ELMO1: variants seen among roughly 807,000 people sequenced by gnomAD.
ELMO1 encodes the protein engulfment and cell motility 1.
A neutral mutation model predicts 98.9 loss-of-function variants in ELMO1; 26 were observed. That is an observed-to-expected ratio of 0.26 (90% CI 0.19 to 0.36). ELMO1 has a LOEUF of 0.36. ELMO1 is among the 10% of genes least tolerant of loss of function. ELMO1 has a pLI of 1.00. For synonymous variants in ELMO1, 346 were observed against 346.0 expected, an observed-to-expected ratio of 1.00 and a Z score of 0.00; for missense variants, 627 against 935.2, an observed-to-expected ratio of 0.67 and a Z score of 4.30.
intron 8 of ELMO1, among the ~76,000 whole-genome samples, chr7:37,226,099 G>A (rs181250503): frequency 5.9e-5 from 9 of 152,154 alleles, no homozygotes; most frequent in East Asian, 1.9e-4. Flanking sequence ...TCCCTAGTCC[G>A]CTGATTTCCA....
intron 16 of ELMO1, among the ~76,000 whole-genome samples, chr7:36,933,587 C>T (rs6975210): frequency 0.071 from 10,833 of 152,156 alleles, 493 homozygotes; most frequent in African/African-American, 0.11. Context: ...AAGTCTAGGA[C>T]CAGGGCAATA....
chr7:37,147,014 T>C (rs998343781), intron 13 of ELMO1, among the ~76,000 whole-genome samples: 2 of 152,274 alleles, frequency 1.3e-5, no homozygotes, highest in Middle Eastern at 3.4e-3. Flanking sequence ...TTTTCCCCTT[T>C]AGGTTCAAAA....
chr7:37,169,338 C>CTGCA (rs1789984038), intron 13 of ELMO1, among the ~76,000 whole-genome samples: 1 of 152,192 alleles, frequency 6.6e-6, no homozygotes, highest in Non-Finnish European at 1.5e-5. Flanking sequence ...GCATCGTGCA[C>CTGCA]TGCACCCAAT....
chr7:37,023,005 T>A (rs1055839741), intron 15 of ELMO1, among the ~76,000 whole-genome samples: 2 of 152,198 alleles, frequency 1.3e-5, no homozygotes, highest in African/African-American at 2.4e-5. Flanking sequence ...CAGCCCCACA[T>A]AAAAGAGACC....
chr7:36,970,452 G>A (rs373023750), intron 16 of ELMO1, among the ~76,000 whole-genome samples: 10 of 152,160 alleles, frequency 6.6e-5, no homozygotes, highest in Non-Finnish European at 1.5e-5. Flanking sequence ...ACAAAACAGT[G>A]GACTGCAACT....
intron 13 of ELMO1, among the ~76,000 whole-genome samples, chr7:37,149,436 G>T (rs1463705656): frequency 1.3e-5 from 2 of 152,074 alleles, no homozygotes; most frequent in Non-Finnish European, 2.9e-5. Context: ...AATGCTTTTT[G>T]TACAGTTGAG....
At chr7:36,922,761 C>T (rs969511489) in intron 16 of ELMO1, among the ~76,000 whole-genome samples, 23 of 152,188 alleles carry the variant, frequency 1.5e-4, no homozygotes, top group African/African-American at 5.6e-4. Context: ...CTGCCAGCAT[C>T]GATCAAGGCC....
At position 37,081,158 on chromosome 7, in the gene ELMO1, C is replaced by T. The variant is rs374251334; in HGVS notation, c.1300+15461G>A. Among the ~76,000 whole-genome samples, 90 of 152,224 alleles carry T rather than the reference C, an allele frequency of 5.9e-4. No homozygotes were observed. The East Asian group carries it at 9.3e-3, about 16-fold the overall frequency. On this transcript the variant is annotated intron_variant, in intron 15 of 21. Transcript: ENST00000310758. The stretch of plus-strand genomic sequence containing the variant: ...GTATTTACTGAGCAAATGTTCATCC[C>T]GGTGCTCTTTATAAGAAAAAAAATT...
chr7:37,130,625 A>G (rs1043003718), intron 14 of ELMO1, among the ~76,000 whole-genome samples: 3 of 151,720 alleles, frequency 2.0e-5, no homozygotes, highest in African/African-American at 4.8e-5. Flanking sequence ...GATGCTGAAA[A>G]GTGAGTGGCA....
chr7:36,995,185 A>G (rs74410656), intron 16 of ELMO1, among the ~76,000 whole-genome samples: 1,898 of 152,298 alleles, frequency 0.012, 26 homozygotes, highest in South Asian at 0.031. Flanking sequence ...TTTCAAACCC[A>G]CAACCCAACA....
chr7:37,271,990 C>A, intron 4 of ELMO1, 108 bp from the exon 5 acceptor site: 1 of 888,146 alleles, frequency 1.1e-6, no homozygotes. Flanking sequence ...AGTTTATTCT[C>A]ACTTGAATAA....
intron 18 of ELMO1, among the ~76,000 whole-genome samples, chr7:36,878,623 C>A (rs191782450): frequency 2.0e-5 from 3 of 152,150 alleles, no homozygotes; most frequent in Non-Finnish European, 4.4e-5. Context: ...TAATCATGAA[C>A]GAATTGTTAG....
intron 15 of ELMO1, among the ~76,000 whole-genome samples, chr7:37,059,372 C>G (rs2129211760): frequency 6.6e-6 from 1 of 152,294 alleles, no homozygotes; most frequent in South Asian, 2.1e-4. Context: ...ATGGGAACAT[C>G]ATAAAAATCA....
chr7:37,112,261 C>T (rs572125395), intron 14 of ELMO1, among the ~76,000 whole-genome samples: 5 of 152,006 alleles, frequency 3.3e-5, no homozygotes, highest in East Asian at 1.9e-4. Flanking sequence ...GTAAAACATA[C>T]GATTATATAA....
chr7:37,287,963 A>G (rs750410687), intron 4 of ELMO1, among the ~76,000 whole-genome samples: 9 of 150,750 alleles, frequency 6.0e-5, no homozygotes, highest in African/African-American at 1.2e-4. Flanking sequence ...TTTTTTGTTT[A>G]TTTGTTTGTT....
chr7:37,354,710 G>A (rs1047186848), intron 1 of ELMO1, among the ~76,000 whole-genome samples: 2 of 152,158 alleles, frequency 1.3e-5, no homozygotes, highest in African/African-American at 2.4e-5. Context: ...CCTGTCACTC[G>A]GTGATGTGTG....
chr7:37,334,006 TA>T (rs1289086199), intron 2 of ELMO1, among the ~76,000 whole-genome samples: 1 of 152,172 alleles, frequency 6.6e-6, no homozygotes, highest in African/African-American at 2.4e-5. Context: ...GGGAGAGTGA[TA>T]AATTTCAAGG....
chr7:37,355,333 G>A (rs1031895034), intron 1 of ELMO1, among the ~76,000 whole-genome samples: 2 of 152,154 alleles, frequency 1.3e-5, no homozygotes, highest in Non-Finnish European at 2.9e-5. Flanking sequence ...TGCCTGACCT[G>A]GGATTATCAT....
intron 15 of ELMO1, among the ~76,000 whole-genome samples, chr7:37,021,187 A>G (rs1794245347): frequency 6.6e-6 from 1 of 152,146 alleles, no homozygotes; most frequent in Non-Finnish European, 1.5e-5. Context: ...GAGTGGGGTC[A>G]AGAACTTGAA....
Sources: gnomAD v4.1 joint callset for allele counts (sites outside exome capture counted in the v4.1 genomes callset) on GRCh38, gnomAD v4.1.1 for gene constraint, MANE v1.5 for transcripts, NCBI Gene and HGNC (gene_info 2026-07-23, HGNC 2026-07-21) for gene names.